Variants in ABCA13 observed in about 807,000 individuals in gnomAD.
ABCA13 encodes ATP-binding cassette sub-family A member 13.
ABCA13 carries 476 observed loss-of-function variants against 478.7 expected under a neutral mutation model. The observed-to-expected ratio is 0.99, with a 90% confidence interval of 0.92 to 1.07. The LOEUF (loss-of-function observed/expected upper bound fraction) is 1.07. Ranked by LOEUF, ABCA13 falls within the 50% of genes least tolerant of loss-of-function variation. ABCA13 has a pLI of 0.00. For synonymous variants in ABCA13, 2,252 were observed against 2,158.9 expected, an observed-to-expected ratio of 1.04 and a Z score of -1.20; for missense variants, 6,060 against 5,910.6, an observed-to-expected ratio of 1.03 and a Z score of -0.83.
At chr7:48,414,687 G>A (rs1393707574) in intron 41 of ABCA13, among the ~76,000 whole-genome samples, 2 of 151,604 alleles carry the variant, frequency 1.3e-5, no homozygotes, top group East Asian at 1.9e-4. Context: ...AGGCTGGTCT[G>A]GAACTCCTGG....
At chr7:48,372,799 G>T (rs1308482951) in intron 33 of ABCA13, among the ~76,000 whole-genome samples, 1 of 152,038 alleles carries the variant, frequency 6.6e-6, no homozygotes, top group Non-Finnish European at 1.5e-5. Flanking sequence ...TTCATGCACA[G>T]AAAAAAGCTA....
Position 48,521,256 on chromosome 7 carries a change from A to G in ABCA13, c.14051+962A>G, listed in dbSNP as rs73109308. On this transcript the variant is annotated intron_variant, in intron 53 of 61. Transcript: ENST00000435803. Reference sequence around the variant, plus strand: ...CATTGGCCTGCTCTTTCCAAGGGCTATGTATTTCCGTCTGACCTCTACTTG... The same window carrying G: ...CATTGGCCTGCTCTTTCCAAGGGCTGTGTATTTCCGTCTGACCTCTACTTG... Among the ~76,000 whole-genome samples the G allele has an allele frequency of 1.6e-3, 239 of 152,274 alleles. 1 individual carries two copies. The highest frequency in any genetic ancestry group is 7.7e-3 in the South Asian group (37 of 4,826).
In ABCA13 at chr7:48,376,579, ATTTT is replaced by A; in HGVS notation, c.11335+8_11335+11del. 6.2e-7 allele frequency: 1 copy of A among 1,613,228 alleles called. No individual in the cohort carries two copies. The highest frequency in any genetic ancestry group is 8.5e-7 in the Non-Finnish European group (1 of 1,179,666). The stretch of plus-strand genomic sequence containing the variant: ...TTGAGCAACTTGATTCCTGGTAAGA[ATTTT>A]GCCTTTTGTAAGATAACACAATAAA... On this transcript the variant is annotated splice_region_variant and intron_variant, in intron 35 of 61. Coordinates refer to ENST00000435803, the MANE Select transcript of ABCA13 (RefSeq NM_152701.5).
intron 3 of ABCA13, among the ~76,000 whole-genome samples, chr7:48,205,514 G>A (rs1465838064): frequency 6.6e-6 from 1 of 152,174 alleles, no homozygotes. Context: ...GCTTTCTAAT[G>A]TCTTGATATC....
rs772161213 is a variant in ABCA13 at position 48,279,536 on chromosome 7, C to A, written c.8342C>A (p.Ala2781Asp). The change falls in exon 18 of 62, where the codon GCC (alanine) becomes GAC (aspartate). Residue 2781 changes from alanine (A) to aspartate (D), a missense_variant. By Grantham distance (126) the Ala-to-Asp change is moderately radical. Coordinates refer to ENST00000435803, the MANE Select transcript of ABCA13 (RefSeq NM_152701.5). ...AAAACCATAGAAACAGTTTTAGAGG[C>A]CTCCAGTGGAATTAAAAGTGACTAT... ...LLKTIETVLE[A>D]SSGIKSDYEG... is the part of the protein sequence containing the mutation. The A allele has an allele frequency of 7.4e-6, 12 of 1,613,262 alleles. No homozygotes were observed. Among genetic ancestry groups the A allele is most frequent in the Admixed American group, 1.7e-5 (1 of 59,946 alleles).
intron 42 of ABCA13, among the ~76,000 whole-genome samples, chr7:48,443,557 T>G (rs1296872615): frequency 1.3e-5 from 2 of 152,252 alleles, no homozygotes; most frequent in African/African-American, 2.4e-5. Flanking sequence ...GGTTTCACTT[T>G]GCTGATTTGT....
intron 31 of ABCA13, among the ~76,000 whole-genome samples, chr7:48,363,349 A>G (rs1275667433): frequency 2.6e-5 from 4 of 152,170 alleles, no homozygotes; most frequent in Non-Finnish European, 5.9e-5. Context: ...TCCCTTTTAT[A>G]TAACTTGGTA....
At chr7:48,624,360 C>G (rs1793458911) in intron 59 of ABCA13, among the ~76,000 whole-genome samples, 2 of 152,084 alleles carry the variant, frequency 1.3e-5, no homozygotes, top group African/African-American at 4.8e-5. Context: ...TTGCTTTTCT[C>G]CTCCCTTGAA....
chr7:48,243,734 A>T (rs1396231926), intron 10 of ABCA13, among the ~76,000 whole-genome samples: 1 of 152,402 alleles, frequency 6.6e-6, no homozygotes, highest in East Asian at 1.9e-4. Context: ...ACTATGGCAC[A>T]GAAGTCGAAA....
rs1563145649 is a variant in ABCA13 at position 48,374,385 on chromosome 7, T to C, written c.11172T>C (p.Phe3724=). 3.7e-6 allele frequency: 6 copies of C among 1,610,638 alleles called. No individual in the cohort carries two copies. The highest frequency in any genetic ancestry group is 5.1e-6 in the Non-Finnish European group (6 of 1,178,600). The part of the protein sequence containing the change: ...LSTTAFGQGV[F]FITFLEGQET... ...CAACCGCCTTTGGACAAGGGGTATT[T>C]TTTATTACATTCCTGGAAGGACAAG... The change falls in exon 34 of 62, where the codon TTT becomes TTC. Residue 3724 remains phenylalanine, a synonymous_variant. Coordinates refer to ENST00000435803, the MANE Select transcript of ABCA13 (RefSeq NM_152701.5).
intron 30 of ABCA13, 89 bp downstream of exon 30, chr7:48,350,908 A>G: frequency 7.6e-7 from 1 of 1,323,474 alleles, no homozygotes; most frequent in East Asian, 2.5e-5. Flanking sequence ...GTGTCTTATG[A>G]TAGCTCAGAA....
chr7:48,331,198 G>T (rs184613947), intron 27 of ABCA13, among the ~76,000 whole-genome samples: 2 of 152,318 alleles, frequency 1.3e-5, no homozygotes, highest in African/African-American at 2.4e-5. Context: ...TTAAAAGAAA[G>T]AATAGCTGCA....
chr7:48,521,292 C>A (rs1487314834), intron 53 of ABCA13, among the ~76,000 whole-genome samples: 2 of 151,964 alleles, frequency 1.3e-5, no homozygotes, highest in South Asian at 2.1e-4. Context: ...AGGGAGGGAT[C>A]CTTTTTGGAG....
At chr7:48,448,897 T>C (rs1824631074) in intron 42 of ABCA13, among the ~76,000 whole-genome samples, 1 of 152,148 alleles carries the variant, frequency 6.6e-6, no homozygotes, top group African/African-American at 2.4e-5. Flanking sequence ...GACTGGACTG[T>C]AGTGGCGTGA....
chr7:48,330,163 CTCTG>C (rs1805067537), intron 27 of ABCA13, among the ~76,000 whole-genome samples: 1 of 149,318 alleles, frequency 6.7e-6, no homozygotes, highest in Non-Finnish European at 1.5e-5. Flanking sequence ...TTGTTTATCT[CTCTG>C]TCTGTCCATC....
At chr7:48,294,079 T>C (rs1353913869) in intron 20 of ABCA13, among the ~76,000 whole-genome samples, 2 of 152,158 alleles carry the variant, frequency 1.3e-5, no homozygotes, top group African/African-American at 4.8e-5. Flanking sequence ...TCTTTAATTT[T>C]TTTTTCATTT....
chr7:48,407,246 A>T (rs1818384834), intron 39 of ABCA13, among the ~76,000 whole-genome samples: 1 of 151,868 alleles, frequency 6.6e-6, no homozygotes, highest in Admixed American at 6.6e-5. Flanking sequence ...GGCCGAGAGA[A>T]GTGGATCACC....
chr7:48,292,980 C>T (rs1798747809), intron 20 of ABCA13, among the ~76,000 whole-genome samples: 1 of 152,196 alleles, frequency 6.6e-6, no homozygotes, highest in Non-Finnish European at 1.5e-5. Flanking sequence ...GTTCAAGTTC[C>T]ACTCCCAAAT....
At position 48,210,598 on chromosome 7, in the gene ABCA13, A is replaced by C. The variant is rs921393775; in HGVS notation, c.288-8756A>C. On this transcript the variant is annotated intron_variant, in intron 3 of 61. Transcript: ENST00000435803. ...TCCTTCTTAATTTCTTCATTGACCC[A>C]GTGGTAATTCAGGGGCATATTGTTC... 9.2e-5 allele frequency among the ~76,000 whole-genome samples: 14 copies of C among 151,772 alleles called. 1 individual carries two copies. Among genetic ancestry groups the C allele is most frequent in the African/African-American group, 3.4e-4 (14 of 41,396 alleles).
Sources: gnomAD v4.1 joint callset for allele counts (sites outside exome capture counted in the v4.1 genomes callset) on GRCh38, gnomAD v4.1.1 for gene constraint, MANE v1.5 for transcripts, NCBI Gene and HGNC (gene_info 2026-07-23, HGNC 2026-07-21) for gene names.